UGT2A3: variants seen among roughly 807,000 people sequenced by gnomAD.
The protein encoded by UGT2A3 is UDP glucuronosyltransferase family 2 member A3.
In UGT2A3, 55 loss-of-function variants were observed where a neutral mutation model predicts 44.1. The ratio of observed to expected loss-of-function variants is 1.25; its 90% CI spans 1.00 to 1.56. The LOEUF is 1.56. UGT2A3 is among the 40% of genes most tolerant of loss of function. UGT2A3 has a pLI of 0.00. For missense variants in UGT2A3, 733 were observed against 621.6 expected, an observed-to-expected ratio of 1.18 and a Z score of -1.91; for synonymous variants, 243 against 215.1, an observed-to-expected ratio of 1.13 and a Z score of -1.13.
Position 68,935,217 on chromosome 4 carries a change from T to C in UGT2A3, c.865-2458A>G, listed in dbSNP as rs149312428. Among the ~76,000 whole-genome samples, 246 of 147,520 alleles carry C rather than the reference T, an allele frequency of 1.7e-3. 2 individuals are homozygous for C. The highest frequency in any genetic ancestry group is 5.7e-3 in the African/African-American group (232 of 40,524). On this transcript the variant is annotated intron_variant, in intron 2 of 5. Transcript: ENST00000251566. ...GCAAAAACACTTCAGTATCATCTTG[T>C]GAGGCTAGCATTACCCTGATCCCAC...
At position 68,934,321 on chromosome 4, in the gene UGT2A3, A is replaced by G. The variant is rs532976822; in HGVS notation, c.865-1562T>C. On this transcript the variant is annotated intron_variant, in intron 2 of 5. Transcript: ENST00000251566. ...ACATCAAAAAAGTAGAAAGATATCA[A>G]ATAAACAATTTATGATAACATCTCA... 8.5e-5 allele frequency among the ~76,000 whole-genome samples: 13 copies of G among 152,152 alleles called. 1 individual carries two copies. The highest frequency in any genetic ancestry group is 2.9e-4 in the African/African-American group (12 of 41,562).
chr4:68,943,550 T>C (rs1718272845), intron 2 of UGT2A3, among the ~76,000 whole-genome samples: 2 of 151,898 alleles, frequency 1.3e-5, no homozygotes, highest in Non-Finnish European at 2.9e-5. Context: ...TTTCACTCTG[T>C]AGTAATAGGT....
At chr4:68,933,287 C>T (rs371238509) in intron 2 of UGT2A3, among the ~76,000 whole-genome samples, 2 of 152,104 alleles carry the variant, frequency 1.3e-5, no homozygotes, top group South Asian at 4.1e-4. Flanking sequence ...GATCATTGTG[C>T]CACATCACCC....
chr4:68,936,504 C>T lies in UGT2A3; in HGVS notation c.865-3745G>A, dbSNP rs551602721. Among the ~76,000 whole-genome samples, 29 of 152,134 alleles carry T rather than the reference C, an allele frequency of 1.9e-4. No individual in the cohort carries two copies. In the East Asian group the frequency reaches 5.4e-3, roughly 29 times the overall value. On this transcript the variant is annotated intron_variant, in intron 2 of 5. Transcript: ENST00000251566. ...AGAAATGAAATCCTTTACAGACAAG[C>T]AAATGCTGAGAGATTTTGTCACCAC... is the stretch of plus-strand genomic sequence containing the variant.
intron 2 of UGT2A3, among the ~76,000 whole-genome samples, chr4:68,940,295 A>G (rs1193267797): frequency 6.6e-6 from 1 of 152,132 alleles, no homozygotes; most frequent in Non-Finnish European, 1.5e-5. Context: ...CTTGGAACCA[A>G]CCCAAATGTC....
At chr4:68,935,276 G>GCATA (rs1717895111) in intron 2 of UGT2A3, among the ~76,000 whole-genome samples, 6 of 60,118 alleles carry the variant, frequency 1.0e-4, no homozygotes, top group African/African-American at 1.0e-4. Flanking sequence ...ATGTATGTAT[G>GCATA]TATATATATA....
At chr4:68,935,154 T>G (rs1469063498) in intron 2 of UGT2A3, among the ~76,000 whole-genome samples, 1 of 150,916 alleles carries the variant, frequency 6.6e-6, no homozygotes, top group Admixed American at 6.6e-5. Flanking sequence ...TTAATAACAC[T>G]TTTTCTCACT....
In UGT2A3 at chr4:68,951,447, T is replaced by C; in HGVS notation, c.314A>G (p.Gln105Arg). 1 of 1,612,144 alleles carries C rather than the reference T, an allele frequency of 6.2e-7. No individual in the cohort carries two copies. The change falls in exon 1 of 6, where the codon CAA becomes CGA. Residue 105 changes from glutamine (Q) to arginine (R), a missense_variant. Gln to Arg is a conservative substitution (Grantham distance 43, BLOSUM62 1). Transcript: ENST00000251566. ...LNVLPGLSTW[Q>R]SVIKLNDFFV... ...AAAATCATTTAATTTTATAACTGAT[T>C]GCCAGGTTGATAAGCCTGGCAAGAC...
At chr4:68,942,929 T>C (rs977795553) in intron 2 of UGT2A3, among the ~76,000 whole-genome samples, 1 of 151,704 alleles carries the variant, frequency 6.6e-6, no homozygotes, top group African/African-American at 2.4e-5. Flanking sequence ...CACAAAGAAA[T>C]GATAAATATT....
At chr4:68,934,352 T>A (rs1397035245) in intron 2 of UGT2A3, among the ~76,000 whole-genome samples, 1 of 151,542 alleles carries the variant, frequency 6.6e-6, no homozygotes, top group East Asian at 1.9e-4. Flanking sequence ...TCTCAAGGAA[T>A]TAGAAAACAA....
chr4:68,933,930 T>A (rs939439965), intron 2 of UGT2A3, among the ~76,000 whole-genome samples: 22 of 152,136 alleles, frequency 1.4e-4, no homozygotes, highest in South Asian at 6.2e-4. Flanking sequence ...CTCAGGGCAG[T>A]GATTCAGCTC....
chr4:68,944,656 C>T (rs767992106), intron 2 of UGT2A3, among the ~76,000 whole-genome samples: 2 of 151,720 alleles, frequency 1.3e-5, no homozygotes, highest in Admixed American at 6.6e-5. Context: ...AGATTTCTGT[C>T]CACAGAGGTT....
In UGT2A3 at chr4:68,928,783, T is replaced by C. The variant is rs1336682131; in HGVS notation, c.*1030A>G. On this transcript the variant is annotated 3_prime_UTR_variant, in exon 6 of 6. Coordinates refer to ENST00000251566, the MANE Select transcript of UGT2A3 (RefSeq NM_024743.4). Reference sequence around the variant, plus strand: ...TATCAAAATATTTAATATATAATACTATTTGTTATGCAGGTTTTCTAATAC... The same window carrying C: ...TATCAAAATATTTAATATATAATACCATTTGTTATGCAGGTTTTCTAATAC... 1 of 151,946 alleles carries C rather than the reference T, an allele frequency of 6.6e-6. No homozygotes were observed. The highest frequency in any genetic ancestry group is 1.5e-5 in the Non-Finnish European group (1 of 67,924). The allele number at this position is 151,946 out of a possible 1,614,324, so 9.4% of individuals were successfully genotyped here.
intron 1 of UGT2A3, among the ~76,000 whole-genome samples, chr4:68,948,315 C>T (rs1167511915): frequency 1.3e-5 from 2 of 151,766 alleles, no homozygotes; most frequent in African/African-American, 4.8e-5. Context: ...TCTGCATCTT[C>T]CTCTCCTCTC....
At chr4:68,948,659 A>T (rs1718473076) in intron 1 of UGT2A3, among the ~76,000 whole-genome samples, 1 of 151,448 alleles carries the variant, frequency 6.6e-6, no homozygotes, top group Non-Finnish European at 1.5e-5. Context: ...TCTCCATATC[A>T]GCACTGATAA....
chr4:68,942,528 TATATATATATAC>T (rs1347287019), intron 2 of UGT2A3, among the ~76,000 whole-genome samples: 17 of 71,866 alleles, frequency 2.4e-4, no homozygotes, highest in South Asian at 2.1e-3. Context: ...TATATATATA[TATATATATATAC>T]ATTTTCCAAT....
At chr4:68,945,196 G>T in intron 2 of UGT2A3, 110 bp downstream of exon 2, 1 of 1,287,400 alleles carries the variant, frequency 7.8e-7, no homozygotes, top group South Asian at 1.3e-5. Flanking sequence ...ATATGGAGCT[G>T]CAAACAGAAG....
At chr4:68,943,438 T>G in intron 2 of UGT2A3, 1 of 723,798 alleles carries the variant, frequency 1.4e-6, no homozygotes, top group Non-Finnish European at 1.9e-6. Context: ...AATACACATC[T>G]TACTATAAAA....
chr4:68,950,929 A>T, intron 1 of UGT2A3, 117 bp downstream of exon 1: 1 of 692,388 alleles, frequency 1.4e-6, no homozygotes, highest in Non-Finnish European at 2.2e-6. Context: ...AAAAACAGCT[A>T]CAACATTTTC....
Sources: gnomAD v4.1 joint callset for allele counts (sites outside exome capture counted in the v4.1 genomes callset) on GRCh38, gnomAD v4.1.1 for gene constraint, MANE v1.5 for transcripts, NCBI Gene and HGNC (gene_info 2026-07-23, HGNC 2026-07-21) for gene names.